PPP1R13B: variants seen among roughly 807,000 people sequenced by gnomAD.
The protein encoded by PPP1R13B is apoptosis-stimulating of p53 protein 1.
A neutral mutation model predicts 119.8 loss-of-function variants in PPP1R13B; 44 were observed. The observed-to-expected ratio is 0.37, with a 90% CI of 0.29 to 0.47. The LOEUF (loss-of-function observed/expected upper bound fraction) is 0.47. PPP1R13B is among the 20% of genes least tolerant of loss of function. The pLI, the probability that PPP1R13B is intolerant of heterozygous loss-of-function variation, is 0.99. For missense variants in PPP1R13B, 1,227 were observed against 1,413.5 expected (o/e 0.87, Z 2.12); for synonymous variants, 542 against 561.5 (o/e 0.97, Z 0.49).
chr14:103,742,926 T>C lies in PPP1R13B; in HGVS notation c.1151-103A>G. ...ACAAAAACAGCACTGGGACATCCCA[T>C]TCTGATGCAGATCCATTAACCGAGT... On this transcript the variant is annotated intron_variant, in intron 9 of 16. Coordinates refer to ENST00000202556, the MANE Select transcript of PPP1R13B (RefSeq NM_015316.3). The surrounding 1 kb of genome is among the most constrained non-coding windows in gnomAD (Gnocchi z 4.9). 2.3e-6 allele frequency: 3 copies of C among 1,320,094 alleles called. No homozygotes were observed. The highest frequency in any genetic ancestry group is 1.5e-5 in the African/African-American group (1 of 68,806). 81.8% of individuals were successfully genotyped at this position (1,320,094 alleles called of 1,614,324 possible).
chr14:103,828,544 T>C (rs924704467), intron 1 of PPP1R13B, among the ~76,000 whole-genome samples: 3 of 152,062 alleles, frequency 2.0e-5, no homozygotes, highest in African/African-American at 4.8e-5. Context: ...CTGCCCTCAC[T>C]AAACTTGGAG....
chr14:103,805,792 A>G (rs1218713677), intron 1 of PPP1R13B, among the ~76,000 whole-genome samples: 2 of 152,234 alleles, frequency 1.3e-5, no homozygotes, highest in Non-Finnish European at 2.9e-5. Context: ...CACATGTTAT[A>G]TGATTCCATT....
chr14:103,820,222 T>C (rs547123189), intron 1 of PPP1R13B, among the ~76,000 whole-genome samples: 148 of 152,198 alleles, frequency 9.7e-4, no homozygotes, highest in Admixed American at 8.7e-3. Context: ...CCCCACCAGG[T>C]CCAGAGCCTC....
rs1215310288 is a variant in PPP1R13B at position 103,739,848 on chromosome 14, G to A, written c.2568C>T (p.Ala856=). The A allele has an allele frequency of 6.2e-7, 1 of 1,609,642 alleles. No homozygotes were observed. ...EQVPPAPLPP[A]SHPPATSTNK... is the part of the protein sequence containing the mutation. Reference sequence around the variant, plus strand: ...CCGTGGAGGTGGCAGGAGGGTGGCTGGCAGGGGGAAGAGGTGCTGGAGGGA... The same window carrying A: ...CCGTGGAGGTGGCAGGAGGGTGGCTAGCAGGGGGAAGAGGTGCTGGAGGGA... Residue 856 remains alanine, a synonymous_variant, in exon 12 of 17, where the codon GCC becomes GCT. Transcript: ENST00000202556.
At chr14:103,768,845 A>G (rs1262391904) in intron 4 of PPP1R13B, among the ~76,000 whole-genome samples, 1 of 152,158 alleles carries the variant, frequency 6.6e-6, no homozygotes, top group Non-Finnish European at 1.5e-5. Context: ...GCAGGATTAC[A>G]GGTGTGAGCC....
In PPP1R13B at chr14:103,749,918, T is replaced by C; in HGVS notation, c.845A>G (p.Asn282Ser). ...YQELQIRNQL[N>S]QEQNSKLQQQ... ...CTGAAGTTTTGAATTTTGTTCCTGGTTAAGTTGGTTACGAATCTACAAACC... is the reference window on the plus strand; with the variant it reads ...CTGAAGTTTTGAATTTTGTTCCTGGCTAAGTTGGTTACGAATCTACAAACC... Residue 282 changes from asparagine (N) to serine (S), a missense_variant, in exon 8 of 17, where the codon AAC (asparagine) becomes AGC (serine). By Grantham distance (46) the Asn-to-Ser change is conservative. Coordinates refer to ENST00000202556, the MANE Select transcript of PPP1R13B (RefSeq NM_015316.3). 1 of 1,613,808 alleles carries C rather than the reference T, an allele frequency of 6.2e-7. No homozygotes were observed. Among genetic ancestry groups the C allele is most frequent in the Admixed American group, 1.7e-5 (1 of 59,920 alleles).
rs1331532073 is a variant in PPP1R13B, at chr14:103,740,863, C to G, written c.1823-270G>C. ...TTTTTCAAAAGAAAAAAATAGGGTG[C>G]TAACCCGACTTTTCCTGCCGCAGAC... On this transcript the variant is annotated intron_variant, in intron 11 of 16. Coordinates refer to ENST00000202556, the MANE Select transcript of PPP1R13B (RefSeq NM_015316.3). The surrounding 1 kb of genome is among the most constrained non-coding windows in gnomAD (Gnocchi z 4.6). Among the ~76,000 whole-genome samples, 1 of 152,236 alleles carries G rather than the reference C, an allele frequency of 6.6e-6. No homozygotes were observed. The highest frequency in any genetic ancestry group is 1.9e-4 in the East Asian group (1 of 5,202).
At chr14:103,775,566 C>T (rs1264688471) in intron 4 of PPP1R13B, among the ~76,000 whole-genome samples, 11 of 152,176 alleles carry the variant, frequency 7.2e-5, no homozygotes, top group African/African-American at 1.9e-4. Context: ...CTAGCCACCG[C>T]GCCCGTCCCA....
chr14:103,761,376 C>T (rs1475882422), intron 4 of PPP1R13B, among the ~76,000 whole-genome samples: 1 of 151,390 alleles, frequency 6.6e-6, no homozygotes, highest in Non-Finnish European at 1.5e-5. Flanking sequence ...TATTACATAC[C>T]TTATCCAATA....
chr14:103,794,772 T>C (rs1400755502), intron 2 of PPP1R13B: 1 of 286,084 alleles, frequency 3.5e-6, no homozygotes, highest in African/African-American at 2.3e-5. Flanking sequence ...AGTTACCTTC[T>C]CTTCTTCCTA....
intron 1 of PPP1R13B, among the ~76,000 whole-genome samples, chr14:103,817,288 G>T (rs1226833571): frequency 6.6e-6 from 1 of 152,002 alleles, no homozygotes; most frequent in Non-Finnish European, 1.5e-5. Flanking sequence ...CACCTAATTA[G>T]GTGAGCTCCA....
At chr14:103,760,595 C>T (rs750685728) in intron 4 of PPP1R13B, among the ~76,000 whole-genome samples, 4 of 152,168 alleles carry the variant, frequency 2.6e-5, no homozygotes, top group Non-Finnish European at 5.9e-5. Flanking sequence ...AAACCTGCTC[C>T]GATGATCCCT....
At chr14:103,819,873 C>T (rs17791722) in intron 1 of PPP1R13B, among the ~76,000 whole-genome samples, 44,216 of 152,034 alleles carry the variant, frequency 0.29, 6,932 homozygotes, top group Non-Finnish European at 0.34. Context: ...GGAACTTAAC[C>T]GCTACAATTA....
In PPP1R13B at chr14:103,820,652, ATTTTTTT is replaced by A. The variant is rs35928276; in HGVS notation, c.10-23141_10-23135del. On this transcript the variant is annotated intron_variant, in intron 1 of 16. Coordinates refer to ENST00000202556, the MANE Select transcript of PPP1R13B (RefSeq NM_015316.3). ...TGGCACACATACCACCATGCCCAGG[ATTTTTTT>A]TTTTTTTTTTTTTTTTGTAGAGACA... Among the ~76,000 whole-genome samples the A allele has an allele frequency of 1.7e-3, 172 of 102,594 alleles. No individual in the cohort carries two copies. In the Middle Eastern group the frequency reaches 0.028, roughly 17 times the overall value. The allele number at this position is 102,594 out of a possible 152,430, so 67.3% of individuals were successfully genotyped here.
rs545794540 is a variant in PPP1R13B, at chr14:103,739,976, C to G, written c.2440G>C (p.Ala814Pro). The G allele has an allele frequency of 1.2e-6, 2 of 1,614,070 alleles. No individual in the cohort carries two copies. The highest frequency in any genetic ancestry group is 4.5e-5 in the East Asian group (2 of 44,876). The change falls in exon 12 of 17, where the codon GCC (alanine) becomes CCC (proline). Residue 814 changes from alanine (A) to proline (P), a missense_variant. Ala to Pro is a conservative substitution (Grantham distance 27, BLOSUM62 -1). Coordinates refer to ENST00000202556, the MANE Select transcript of PPP1R13B (RefSeq NM_015316.3). ...LICPQTTHQT[A>P]EPAEDNNNNV... ...TTGTTATTGTCCTCTGCCGGCTCGG[C>G]AGTTTGGTGGGTGGTTTGGGGACAG...
intron 1 of PPP1R13B, among the ~76,000 whole-genome samples, chr14:103,822,554 C>T (rs1317662285): frequency 6.6e-6 from 1 of 152,190 alleles, no homozygotes; most frequent in Non-Finnish European, 1.5e-5. Flanking sequence ...TGGCTCACGC[C>T]TGTAATCCCA....
At chr14:103,837,462 T>C (rs2086804145) in intron 1 of PPP1R13B, among the ~76,000 whole-genome samples, 1 of 152,170 alleles carries the variant, frequency 6.6e-6, no homozygotes, top group South Asian at 2.1e-4. Flanking sequence ...CAAGCCTGGC[T>C]GCTGAAGCAA....
At chr14:103,819,098 G>A (rs1363822241) in intron 1 of PPP1R13B, among the ~76,000 whole-genome samples, 2 of 152,224 alleles carry the variant, frequency 1.3e-5, no homozygotes, top group African/African-American at 4.8e-5. Flanking sequence ...CAAAGGCCCT[G>A]AGGCAGAATG....
chr14:103,847,584 C>G (rs565736132), upstream of PPP1R13B: 1 of 986,772 alleles, frequency 1.0e-6, no homozygotes, highest in African/African-American at 1.7e-5. Context: ...CTGCGGCCCG[C>G]CCGCCCGGCT....
Sources: gnomAD v4.1 joint callset for allele counts (sites outside exome capture counted in the v4.1 genomes callset) on GRCh38, gnomAD v4.1.1 for gene constraint, Gnocchi (gnomAD v3.1) non-coding constraint, MANE v1.5 for transcripts, NCBI Gene and HGNC (gene_info 2026-07-23, HGNC 2026-07-21) for gene names.